Variants in DCC observed in about 807,000 individuals in gnomAD.
DCC encodes the protein netrin receptor DCC.
A neutral mutation model predicts 172.5 loss-of-function variants in DCC; 58 were observed. The ratio of observed to expected loss-of-function variants is 0.34; its 90% CI spans 0.27 to 0.42. DCC has a LOEUF of 0.42. DCC is among the 10% of genes least tolerant of loss of function. DCC has a pLI of 1.00. For synonymous variants in DCC, 709 were observed against 644.5 expected (o/e 1.10, Z -1.52); for missense variants, 1,740 against 1,791.0 (o/e 0.97, Z 0.51).
chr18:53,074,649 G>A (rs1003385142), intron 7 of DCC, among the ~76,000 whole-genome samples: 14 of 151,872 alleles, frequency 9.2e-5, no homozygotes, highest in African/African-American at 2.2e-4. Flanking sequence ...TCTCCCTCCC[G>A]TTAGAGAAAT....
At chr18:52,938,346 C>A (rs1054939530) in intron 5 of DCC, among the ~76,000 whole-genome samples, 1 of 151,996 alleles carries the variant, frequency 6.6e-6, no homozygotes, top group Non-Finnish European at 1.5e-5. Context: ...GGGAGTAGAG[C>A]AATAGTAGTG....
At chr18:53,199,515 GAATA>G (rs1348022016) in intron 9 of DCC, among the ~76,000 whole-genome samples, 2 of 151,880 alleles carry the variant, frequency 1.3e-5, no homozygotes, top group Admixed American at 1.3e-4. Context: ...ATATGGAGCT[GAATA>G]AATGTATAAG....
chr18:52,991,805 T>A (rs1014098780), intron 5 of DCC, among the ~76,000 whole-genome samples: 20 of 152,202 alleles, frequency 1.3e-4, no homozygotes, highest in Non-Finnish European at 1.3e-4. Context: ...AGTGGTCATT[T>A]GGATGAATTC....
At position 53,532,193 on chromosome 18, in the gene DCC, G is replaced by A. The variant is rs1293364771; in HGVS notation, c.*1540G>A. On this transcript the variant is annotated 3_prime_UTR_variant, in exon 29 of 29. Coordinates refer to ENST00000442544, the MANE Select transcript of DCC (RefSeq NM_005215.4). Reference sequence around the variant, plus strand: ...GCTTGAGTAGGTCATAATTTTAAAAGAGCATGGAAGGGATAGGATCTTTAC... The same window carrying A: ...GCTTGAGTAGGTCATAATTTTAAAAAAGCATGGAAGGGATAGGATCTTTAC... 6.6e-6 allele frequency: 1 copy of A among 152,142 alleles called. No individual in the cohort carries two copies. Among genetic ancestry groups the A allele is most frequent in the African/African-American group, 2.4e-5 (1 of 41,426 alleles). The allele number at this position is 152,142 out of a possible 1,614,324, so 9.4% of individuals were successfully genotyped here.
chr18:53,266,598 T>TA (rs2056678223), intron 12 of DCC, among the ~76,000 whole-genome samples: 1 of 152,132 alleles, frequency 6.6e-6, no homozygotes, highest in Non-Finnish European at 1.5e-5. Context: ...TGTGTGCAGT[T>TA]CATGGCTTTT....
intron 15 of DCC, among the ~76,000 whole-genome samples, chr18:53,363,917 T>C (rs952933060): frequency 1.3e-5 from 2 of 152,166 alleles, no homozygotes; most frequent in Non-Finnish European, 2.9e-5. Flanking sequence ...ATGAGATACA[T>C]ACCAGAGGTG....
intron 2 of DCC, chr18:52,754,398 G>A (rs116806412): frequency 2.0e-4 from 30 of 152,294 alleles, no homozygotes; most frequent in African/African-American, 7.0e-4. Flanking sequence ...AGCACTGGGA[G>A]GTGGAGCCTT....
intron 18 of DCC, 73 bp downstream of exon 18, chr18:53,397,519 G>A: frequency 1.3e-6 from 2 of 1,510,098 alleles, no homozygotes; most frequent in South Asian, 1.1e-5. Context: ...TAGAACATGT[G>A]TTCCCTATGG....
At chr18:53,322,367 G>C (rs1599023676) in intron 14 of DCC, among the ~76,000 whole-genome samples, 1 of 152,076 alleles carries the variant, frequency 6.6e-6, no homozygotes, top group African/African-American at 2.4e-5. Flanking sequence ...ACATAGCATT[G>C]ATTATGCAAT....
At chr18:52,837,072 A>AG (rs1387176539) in intron 2 of DCC, among the ~76,000 whole-genome samples, 1 of 152,150 alleles carries the variant, frequency 6.6e-6, no homozygotes, top group African/African-American at 2.4e-5. Flanking sequence ...GCTGTACCGT[A>AG]GCCCCTTTTG....
rs547296133 is a variant in DCC at position 53,069,992 on chromosome 18, T to C, written c.1261+3826T>C. Among the ~76,000 whole-genome samples, 55 of 151,924 alleles carry C rather than the reference T, an allele frequency of 3.6e-4. No homozygotes were observed. In the East Asian group the frequency reaches 4.7e-3, roughly 13 times the overall value. ...ATACCTGAAGATAAAGCTTTTTTTT[T>C]TTTTTGAGACAGAATCTCACTCTGT... On this transcript the variant is annotated intron_variant, in intron 7 of 28. Coordinates refer to ENST00000442544, the MANE Select transcript of DCC (RefSeq NM_005215.4).
At position 52,993,467 on chromosome 18, in the gene DCC, T is replaced by A. The variant is rs545915610; in HGVS notation, c.985+68097T>A. Among the ~76,000 whole-genome samples the A allele has an allele frequency of 2.0e-5, 3 of 152,250 alleles. No homozygotes were observed. The East Asian group carries it at 5.8e-4, about 29-fold the overall frequency. On this transcript the variant is annotated intron_variant, in intron 5 of 28. Coordinates refer to ENST00000442544, the MANE Select transcript of DCC (RefSeq NM_005215.4). ...AACACCACACTGGTCACCTCTAATA[T>A]TAATGGAATGTCTGTTACCATGAAC...
chr18:53,110,128 T>C (rs1405802357), intron 7 of DCC, among the ~76,000 whole-genome samples: 2 of 151,686 alleles, frequency 1.3e-5, no homozygotes, highest in African/African-American at 4.8e-5. Flanking sequence ...AGATGTCCAC[T>C]TGCTCTCACT....
At chr18:52,374,113 C>T (rs941450516) in intron 1 of DCC, among the ~76,000 whole-genome samples, 1 of 151,802 alleles carries the variant, frequency 6.6e-6, no homozygotes, top group South Asian at 2.1e-4. Context: ...AGGATGGTCT[C>T]GATCTCCTGA....
chr18:52,940,393 T>C (rs2040443019), intron 5 of DCC, among the ~76,000 whole-genome samples: 1 of 152,126 alleles, frequency 6.6e-6, no homozygotes, highest in South Asian at 2.1e-4. Flanking sequence ...TTCACTCAAA[T>C]TCTTAAAATA....
intron 2 of DCC, among the ~76,000 whole-genome samples, chr18:52,776,313 CATTTA>C (rs139443097): frequency 0.022 from 3,331 of 151,896 alleles, 118 homozygotes; most frequent in African/African-American, 0.075. Context: ...AGCTCTTAAA[CATTTA>C]ATTTATTATA....
At chr18:53,493,238 G>A (rs2045979363) in intron 26 of DCC, among the ~76,000 whole-genome samples, 1 of 152,116 alleles carries the variant, frequency 6.6e-6, no homozygotes, top group Non-Finnish European at 1.5e-5. Context: ...AGATGATGGG[G>A]TTTTCTAAAT....
intron 1 of DCC, among the ~76,000 whole-genome samples, chr18:52,716,026 G>T (rs1378284150): frequency 6.6e-6 from 1 of 151,968 alleles, no homozygotes; most frequent in Non-Finnish European, 1.5e-5. Context: ...TAAAAAGAAG[G>T]AATCCTTTCT....
rs556564393 is a variant in DCC, at chr18:53,406,069, T to C, written c.2935+3176T>C. Among the ~76,000 whole-genome samples the C allele has an allele frequency of 1.2e-4, 18 of 152,280 alleles. No individual in the cohort carries two copies. In the South Asian group the frequency reaches 3.5e-3, roughly 30 times the overall value. ...ATTGTATAGCCAGAGATATGAAACA[T>C]AGGCCTAAATAAATGCAGTGCCCAA... On this transcript the variant is annotated intron_variant, in intron 19 of 28. Coordinates refer to ENST00000442544, the MANE Select transcript of DCC (RefSeq NM_005215.4).
Sources: allele counts gnomAD v4.1 joint callset (sites outside exome capture counted in the v4.1 genomes callset), GRCh38; gene constraint gnomAD v4.1.1; transcripts MANE v1.5; gene names NCBI Gene and HGNC (gene_info 2026-07-23, HGNC 2026-07-21).